The following NUDT9 variants were observed in gnomAD, a reference collection of about 807,000 sequenced individuals.
NUDT9 encodes nudix hydrolase 9, also known as ADP-ribose pyrophosphatase.
A neutral mutation model predicts 41.0 loss-of-function variants in NUDT9; 31 were observed. The ratio of observed to expected loss-of-function variants is 0.76; its 90% CI spans 0.57 to 1.02. The LOEUF is 1.02. Among genes scored for constraint, NUDT9 ranks in the 50% least tolerant of loss-of-function variants. The pLI, the probability that NUDT9 is intolerant of heterozygous loss-of-function variation, is 0.00. For synonymous variants in NUDT9, 146 were observed against 147.6 expected (o/e 0.99, Z 0.08); for missense variants, 380 against 431.4 (o/e 0.88, Z 1.06).
intron 1 of NUDT9, among the ~76,000 whole-genome samples, chr4:87,426,098 A>G (rs1200293161): frequency 6.6e-6 from 1 of 152,108 alleles, no homozygotes; most frequent in African/African-American, 2.4e-5. Flanking sequence ...TAGGTGTGAG[A>G]CACTGCTCCC....
intron 7 of NUDT9, 55 bp from the exon 8 acceptor site, chr4:87,457,788 A>G (rs1723051652): frequency 6.8e-7 from 1 of 1,477,816 alleles, no homozygotes; most frequent in Admixed American, 1.8e-5. Context: ...GACGACATAG[A>G]TATGCTAAAA....
At chr4:87,453,922 G>A (rs1185877912) in intron 6 of NUDT9, among the ~76,000 whole-genome samples, 3 of 147,862 alleles carry the variant, frequency 2.0e-5, no homozygotes, top group Non-Finnish European at 3.0e-5. Context: ...GCAGTGGCGC[G>A]ATCTTGGCTC....
chr4:87,430,269 G>A (rs1721625235), intron 1 of NUDT9, among the ~76,000 whole-genome samples: 1 of 152,202 alleles, frequency 6.6e-6, no homozygotes, highest in South Asian at 2.1e-4. Context: ...CCTCCAGAGA[G>A]GAATGCAGCC....
intron 2 of NUDT9, among the ~76,000 whole-genome samples, chr4:87,435,599 C>G (rs1454622893): frequency 6.6e-6 from 1 of 152,068 alleles, no homozygotes; most frequent in African/African-American, 2.4e-5. Flanking sequence ...TCCAACATAG[C>G]TAGACTTGTG....
At chr4:87,456,370 G>A (rs1444528609) in intron 7 of NUDT9, among the ~76,000 whole-genome samples, 4 of 152,148 alleles carry the variant, frequency 2.6e-5, no homozygotes, top group Non-Finnish European at 4.4e-5. Flanking sequence ...GAAATCCAGC[G>A]GGGGCTGGAG....
intron 1 of NUDT9, among the ~76,000 whole-genome samples, chr4:87,426,169 T>G (rs1721405240): frequency 6.6e-6 from 1 of 152,206 alleles, no homozygotes. Flanking sequence ...TAGTGAATGC[T>G]TTTACATACC....
rs549424956 is a variant in NUDT9 at position 87,438,160 on chromosome 4, C to T, written c.348-117C>T. The T allele has an allele frequency of 8.5e-6, 4 of 471,756 alleles. No individual in the cohort carries two copies. In the South Asian group the frequency reaches 1.0e-4, roughly 12 times the overall value. 29.2% of individuals were successfully genotyped at this position (471,756 alleles called of 1,614,324 possible). On this transcript the variant is annotated intron_variant, in intron 2 of 7. Transcript: ENST00000302174. ...TGTGAAAAAAAAAAAAAAACTAACC[C>T]TTAAAAATTTATTGTTTCAGGAATA...
chr4:87,432,582 G>C lies in NUDT9; in HGVS notation c.108-2399G>C, dbSNP rs13129115. ...TGATTAAAGTGAACATCCTTGTCTT[G>C]TTCCTGATCTTAGAGGAAAAACTTC... On this transcript the variant is annotated intron_variant, in intron 1 of 7. Transcript: ENST00000302174. 2.6e-5 allele frequency among the ~76,000 whole-genome samples: 4 copies of C among 151,836 alleles called. No homozygotes were observed. In the South Asian group the frequency reaches 6.2e-4, roughly 24 times the overall value.
intron 1 of NUDT9, among the ~76,000 whole-genome samples, chr4:87,428,711 G>A (rs1352116268): frequency 1.3e-5 from 2 of 152,166 alleles, no homozygotes; most frequent in South Asian, 2.1e-4. Flanking sequence ...AATTGGGGTA[G>A]CACAGAGGAC....
chr4:87,431,339 TA>T (rs1353116530), intron 1 of NUDT9, among the ~76,000 whole-genome samples: 3 of 152,214 alleles, frequency 2.0e-5, no homozygotes, highest in Non-Finnish European at 2.9e-5. Flanking sequence ...TATAGCTGTG[TA>T]GTAAGTGTGA....
Position 87,451,630 on chromosome 4 carries a change from A to C in NUDT9, c.684A>C (p.Lys228Asn). ...DPGEKISATL[K>N]REFGEEALNS... ...GAGAGAAGATTAGTGCCACACTGAA[A>C]AGAGAATTTGGTGAGGAAGCTCTCA... Residue 228 changes from lysine to asparagine, a missense_variant, in exon 6 of 8, where the codon AAA (lysine) becomes AAC (asparagine). Coordinates refer to ENST00000302174, the MANE Select transcript of NUDT9 (RefSeq NM_024047.5). 3 of 1,614,040 alleles carry C rather than the reference A, an allele frequency of 1.9e-6. No individual in the cohort carries two copies. Among genetic ancestry groups the C allele is most frequent in the Non-Finnish European group, 2.5e-6 (3 of 1,179,952 alleles).
Position 87,434,898 on chromosome 4 carries a change from C to T in NUDT9, c.108-83C>T. 4.0e-6 allele frequency: 5 copies of T among 1,237,294 alleles called. No individual in the cohort carries two copies. In the Admixed American group the frequency reaches 6.7e-5, roughly 17 times the overall value. 76.6% of individuals were successfully genotyped at this position (1,237,294 alleles called of 1,614,324 possible). A position where few individuals can be genotyped will look rare whatever the true frequency, so the allele number is the denominator to read the frequency against. ...CCTCACAAAGTGCTGGGATTACAGG[C>T]GTAAGCCACTGCACCCGGCCTAGGT... On this transcript the variant is annotated intron_variant, in intron 1 of 7. Coordinates refer to ENST00000302174, the MANE Select transcript of NUDT9 (RefSeq NM_024047.5).
chr4:87,437,401 C>T lies in NUDT9; in HGVS notation c.348-876C>T, dbSNP rs573511814. Among the ~76,000 whole-genome samples, 190 of 151,886 alleles carry T rather than the reference C, an allele frequency of 1.3e-3. 3 individuals are homozygous for T. Among genetic ancestry groups the T allele is most frequent in the African/African-American group, 4.4e-3 (182 of 41,396 alleles). On this transcript the variant is annotated intron_variant, in intron 2 of 7. Coordinates refer to ENST00000302174, the MANE Select transcript of NUDT9 (RefSeq NM_024047.5). ...TGTCGCCCAGGCTGGAGTGCAGTGG[C>T]GCCATCTCGGCTCACTGGAAGCTCC...
intron 1 of NUDT9, among the ~76,000 whole-genome samples, chr4:87,425,836 A>ATTTC (rs1560785822): frequency 6.6e-6 from 1 of 150,986 alleles, no homozygotes; most frequent in African/African-American, 2.4e-5. Flanking sequence ...TTCTTTTTTA[A>ATTTC]TTGCTCTGTC....
chr4:87,442,255 A>G (rs1202390926), intron 4 of NUDT9, among the ~76,000 whole-genome samples: 1 of 152,214 alleles, frequency 6.6e-6, no homozygotes, highest in Non-Finnish European at 1.5e-5. Context: ...TGTACTGAAT[A>G]CTATAGGCAA....
At chr4:87,442,693 G>T (rs1250303142) in intron 4 of NUDT9, among the ~76,000 whole-genome samples, 2 of 151,978 alleles carry the variant, frequency 1.3e-5, no homozygotes, top group Non-Finnish European at 2.9e-5. Context: ...AAAAAAAGTT[G>T]TTTCTTCTGT....
At chr4:87,450,667 G>A (rs1249607291) in intron 5 of NUDT9, among the ~76,000 whole-genome samples, 1 of 152,112 alleles carries the variant, frequency 6.6e-6, no homozygotes, top group East Asian at 1.9e-4. Flanking sequence ...ATGAGCCACT[G>A]TGCTTGGTGA....
At chr4:87,457,236 A>ATTT (rs34596563) in intron 7 of NUDT9, among the ~76,000 whole-genome samples, 15 of 126,644 alleles carry the variant, frequency 1.2e-4, no homozygotes, top group Admixed American at 1.8e-4. Context: ...GATAATTTAA[A>ATTT]TTTTTTTTTT....
At chr4:87,435,276 T>C in intron 2 of NUDT9, 56 bp downstream of exon 2, 6 of 1,532,496 alleles carry the variant, frequency 3.9e-6, no homozygotes, top group Non-Finnish European at 5.3e-6. Context: ...AGGTAATGGT[T>C]TTATTTGTAA....
Sources: allele counts gnomAD v4.1 joint callset (sites outside exome capture counted in the v4.1 genomes callset), GRCh38; gene constraint gnomAD v4.1.1; transcripts MANE v1.5; gene names NCBI Gene and HGNC (gene_info 2026-07-23, HGNC 2026-07-21).